The following KCNIP4 variants were observed in gnomAD, a reference collection of about 807,000 sequenced individuals.
KCNIP4 encodes the protein Kv channel-interacting protein 4.
A neutral mutation model predicts 34.0 loss-of-function variants in KCNIP4; 12 were observed. The observed-to-expected ratio is 0.35, with a 90% confidence interval of 0.23 to 0.57. The LOEUF (loss-of-function observed/expected upper bound fraction) is 0.57. Among genes scored for constraint, KCNIP4 ranks in the 20% least tolerant of loss-of-function variants. The pLI is 0.83. For missense variants in KCNIP4, 238 were observed against 311.7 expected (o/e 0.76, Z 1.78); for synonymous variants, 124 against 102.2 (o/e 1.21, Z -1.29).
At chr4:21,923,221 G>T (rs1277149046) in intron 1 of KCNIP4, among the ~76,000 whole-genome samples, 1 of 152,156 alleles carries the variant, frequency 6.6e-6, no homozygotes, top group Admixed American at 6.5e-5. Flanking sequence ...AGACTGGCCT[G>T]CCCACTGGCC....
At chr4:21,902,927 C>T (rs1727789516) in intron 1 of KCNIP4, among the ~76,000 whole-genome samples, 1 of 152,262 alleles carries the variant, frequency 6.6e-6, no homozygotes, top group South Asian at 2.1e-4. Context: ...TCATAAATGT[C>T]ACTGTTTCTG....
intron 1 of KCNIP4, among the ~76,000 whole-genome samples, chr4:21,822,414 G>A (rs1722409487): frequency 1.3e-5 from 2 of 152,070 alleles, no homozygotes; most frequent in Non-Finnish European, 2.9e-5. Flanking sequence ...CCAACAAGCA[G>A]ATATAACCAC....
At chr4:21,708,743 T>G (rs969218078) in intron 1 of KCNIP4, among the ~76,000 whole-genome samples, 1 of 152,188 alleles carries the variant, frequency 6.6e-6, no homozygotes, top group African/African-American at 2.4e-5. Context: ...TTTAAAACAA[T>G]GAGGTTGCTC....
intron 1 of KCNIP4, among the ~76,000 whole-genome samples, chr4:21,330,295 G>T (rs968591279): frequency 6.6e-6 from 1 of 152,148 alleles, no homozygotes; most frequent in Non-Finnish European, 1.5e-5. Flanking sequence ...AAATTGATCA[G>T]CATGTATATG....
intron 1 of KCNIP4, among the ~76,000 whole-genome samples, chr4:21,032,597 GA>G (rs1469645068): frequency 2.0e-5 from 3 of 152,030 alleles, no homozygotes; most frequent in African/African-American, 7.2e-5. Flanking sequence ...GAAAGTCCTA[GA>G]AAAAAAATTG....
chr4:21,246,817 G>T (rs1760238080), intron 1 of KCNIP4, among the ~76,000 whole-genome samples: 1 of 152,138 alleles, frequency 6.6e-6, no homozygotes, highest in Admixed American at 6.6e-5. Flanking sequence ...ATGTAAAATT[G>T]GACCTAATTT....
intron 1 of KCNIP4, among the ~76,000 whole-genome samples, chr4:21,741,059 C>T (rs2109128266): frequency 6.6e-6 from 1 of 152,186 alleles, no homozygotes; most frequent in African/African-American, 2.4e-5. Flanking sequence ...CCATGGTGGG[C>T]TTATTTTAAT....
intron 1 of KCNIP4, among the ~76,000 whole-genome samples, chr4:21,355,108 A>G (rs1718433461): frequency 6.6e-6 from 1 of 152,232 alleles, no homozygotes; most frequent in African/African-American, 2.4e-5. Flanking sequence ...ACCAATGAGA[A>G]CAAAGACACA....
In KCNIP4 at chr4:21,284,800, G is replaced by C. The variant is rs114851243; in HGVS notation, c.62-402091C>G. Among the ~76,000 whole-genome samples, 752 of 151,926 alleles carry C rather than the reference G, an allele frequency of 4.9e-3. 6 individuals carry two copies. Among genetic ancestry groups the C allele is most frequent in the African/African-American group, 0.018 (728 of 41,430 alleles). The stretch of plus-strand genomic sequence containing the variant: ...TAGCCTTGGCTGTAGTTACCCAAAA[G>C]TAATCCTGCAGAAAATGTAACCGAC... On this transcript the variant is annotated intron_variant, in intron 1 of 8. Transcript: ENST00000382152.
At chr4:21,687,315 A>AT (rs1050232299) in intron 1 of KCNIP4, among the ~76,000 whole-genome samples, 3 of 139,514 alleles carry the variant, frequency 2.2e-5, no homozygotes, top group African/African-American at 5.0e-5. Context: ...AACTTAAAGT[A>AT]TAAAAAAAAA....
At chr4:21,890,663 T>C (rs1365973967) in intron 1 of KCNIP4, among the ~76,000 whole-genome samples, 1 of 152,116 alleles carries the variant, frequency 6.6e-6, no homozygotes, top group Non-Finnish European at 1.5e-5. Flanking sequence ...CAGCACCACA[T>C]ACTTGTATTA....
intron 1 of KCNIP4, among the ~76,000 whole-genome samples, chr4:21,147,063 G>C (rs996617563): frequency 6.6e-6 from 1 of 152,168 alleles, no homozygotes; most frequent in Non-Finnish European, 1.5e-5. Context: ...AGGTGGACCA[G>C]AAGGGTTAAA....
intron 1 of KCNIP4, among the ~76,000 whole-genome samples, chr4:21,501,774 C>T (rs879533543): frequency 2.0e-5 from 3 of 149,974 alleles, no homozygotes; most frequent in Non-Finnish European, 4.4e-5. Flanking sequence ...ATGAACATCA[C>T]CAAGGTTAAC....
chr4:20,976,608 G>T (rs80052914), intron 1 of KCNIP4, among the ~76,000 whole-genome samples: 2 of 151,898 alleles, frequency 1.3e-5, no homozygotes, highest in Non-Finnish European at 2.9e-5. Flanking sequence ...CTTCCCTCTC[G>T]CCTTATTCTG....
intron 3 of KCNIP4, among the ~76,000 whole-genome samples, chr4:20,794,899 A>T (rs772831354): frequency 2.0e-5 from 3 of 152,170 alleles, no homozygotes; most frequent in Non-Finnish European, 4.4e-5. Context: ...AATTTTTGAG[A>T]AAAAGGTGTT....
chr4:21,668,461 T>C (rs1263709054), intron 1 of KCNIP4, among the ~76,000 whole-genome samples: 1 of 152,218 alleles, frequency 6.6e-6, no homozygotes, highest in Non-Finnish European at 1.5e-5. Context: ...AAGATATTTA[T>C]GTGAAAACTT....
At chr4:20,907,867 G>A (rs934908806) in intron 1 of KCNIP4, among the ~76,000 whole-genome samples, 1 of 151,500 alleles carries the variant, frequency 6.6e-6, no homozygotes, top group Non-Finnish European at 1.5e-5. Flanking sequence ...ACAGGCGCCC[G>A]CATGATATCA....
At chr4:20,793,214 C>G (rs983014012) in intron 3 of KCNIP4, among the ~76,000 whole-genome samples, 2 of 151,982 alleles carry the variant, frequency 1.3e-5, no homozygotes, top group East Asian at 3.9e-4. Flanking sequence ...TTGTATATAC[C>G]TATAATGGAA....
At chr4:21,097,670 G>A (rs963620501) in intron 1 of KCNIP4, among the ~76,000 whole-genome samples, 2 of 152,050 alleles carry the variant, frequency 1.3e-5, no homozygotes, top group Non-Finnish European at 2.9e-5. Context: ...TAATAAATGT[G>A]TGTGTGTGTT....
Sources: allele counts gnomAD v4.1 joint callset (sites outside exome capture counted in the v4.1 genomes callset), GRCh38; gene constraint gnomAD v4.1.1; transcripts MANE v1.5; gene names NCBI Gene and HGNC (gene_info 2026-07-23, HGNC 2026-07-21).